CALN1: variants seen among roughly 807,000 people sequenced by gnomAD.
CALN1 encodes the protein calneuron 1, also known as calcium-binding protein 8.
CALN1 carries 17 observed loss-of-function variants against 30.6 expected under a neutral mutation model. The ratio of observed to expected loss-of-function variants is 0.56; its 90% CI spans 0.38 to 0.83. The LOEUF is 0.83. Among genes scored for constraint, CALN1 ranks in the 40% least tolerant of loss-of-function variants. CALN1 has a pLI of 0.00. For synonymous variants in CALN1, 156 were observed against 131.4 expected, an observed-to-expected ratio of 1.19 and a Z score of -1.28; for missense variants, 291 against 354.9, an observed-to-expected ratio of 0.82 and a Z score of 1.45.
At chr7:72,034,477 TA>T (rs35677186) in intron 4 of CALN1, among the ~76,000 whole-genome samples, 97,505 of 151,336 alleles carry the variant, frequency 0.64, 31,839 homozygotes, top group East Asian at 0.76. Context: ...GCCTGACAGC[TA>T]AAAAAATGTG....
intron 3 of CALN1, among the ~76,000 whole-genome samples, chr7:72,251,835 C>A (rs1329569091): frequency 6.6e-6 from 1 of 152,168 alleles, no homozygotes; most frequent in African/African-American, 2.4e-5. Flanking sequence ...ATTTGCAAGA[C>A]ATTACCACTG....
chr7:72,002,733 A>G (rs1799587677), intron 5 of CALN1, among the ~76,000 whole-genome samples: 1 of 152,216 alleles, frequency 6.6e-6, no homozygotes, highest in South Asian at 2.1e-4. Context: ...GCTTTTAAAA[A>G]GAAGGAAATC....
intron 3 of CALN1, among the ~76,000 whole-genome samples, chr7:72,274,185 G>A (rs1320003262): frequency 6.6e-6 from 1 of 152,126 alleles, no homozygotes; most frequent in Non-Finnish European, 1.5e-5. Context: ...GTAAACTTCA[G>A]ATGGAGGTGA....
intron 5 of CALN1, among the ~76,000 whole-genome samples, chr7:71,852,794 A>G (rs1418850982): frequency 6.6e-6 from 1 of 152,058 alleles, no homozygotes; most frequent in African/African-American, 2.4e-5. Context: ...TTAATTTGTA[A>G]TTTATCTAGA....
At chr7:71,980,507 GACACCACTTT>G (rs1798338971) in intron 5 of CALN1, among the ~76,000 whole-genome samples, 1 of 152,022 alleles carries the variant, frequency 6.6e-6, no homozygotes, top group Non-Finnish European at 1.5e-5. Flanking sequence ...CAGAATTCTT[GACACCACTTT>G]ACAATGGCAT....
At chr7:71,982,896 G>C (rs1271803284) in intron 5 of CALN1, among the ~76,000 whole-genome samples, 1 of 152,198 alleles carries the variant, frequency 6.6e-6, no homozygotes, top group Admixed American at 6.5e-5. Flanking sequence ...CCTGGGACTA[G>C]GCATGTCCAA....
the CALN1 span, among the ~76,000 whole-genome samples, chr7:72,481,829 T>C: frequency 3.9e-5 from 6 of 152,202 alleles, no homozygotes; most frequent in Non-Finnish European, 5.9e-5. Context: ...ATTTTGGTCA[T>C]AGGACATTTT....
At chr7:72,340,068 G>C (rs947389289) in intron 2 of CALN1, among the ~76,000 whole-genome samples, 1 of 152,228 alleles carries the variant, frequency 6.6e-6, no homozygotes, top group Non-Finnish European at 1.5e-5. Context: ...CCTTGGATGA[G>C]AGGGAACTGA....
chr7:71,801,134 G>T (rs1277260313), intron 6 of CALN1, among the ~76,000 whole-genome samples: 2 of 152,202 alleles, frequency 1.3e-5, no homozygotes, highest in East Asian at 3.9e-4. Flanking sequence ...CCCTGCAAAA[G>T]ACATGATCTC....
chr7:72,039,243 G>T (rs1265885416), intron 4 of CALN1, among the ~76,000 whole-genome samples: 2 of 152,200 alleles, frequency 1.3e-5, no homozygotes. Flanking sequence ...GCAAAGGAAG[G>T]AAAGGACCAA....
At position 72,246,216 on chromosome 7, in the gene CALN1, ACC is replaced by A. The variant is rs747021631; in HGVS notation, c.244+32468_244+32469del. ...ATCATCAAACCCTTACCTCAGAAAC[ACC>A]CCCTTTTTCCTCTCTCAGATAGAAC... On this transcript the variant is annotated intron_variant, in intron 3 of 6. Transcript: ENST00000395275. 7.2e-5 allele frequency among the ~76,000 whole-genome samples: 11 copies of A among 151,834 alleles called. No individual in the cohort carries two copies. The South Asian group carries it at 1.3e-3, about 17-fold the overall frequency.
At chr7:72,440,309 T>G (rs1562969671) in intron 1 of CALN1, among the ~76,000 whole-genome samples, 1 of 152,178 alleles carries the variant, frequency 6.6e-6, no homozygotes, top group Non-Finnish European at 1.5e-5. Flanking sequence ...AGAGCACTGG[T>G]AAATTTTTTT....
intron 5 of CALN1, among the ~76,000 whole-genome samples, chr7:72,017,838 G>A (rs844796): frequency 0.28 from 41,920 of 151,848 alleles, 8,861 homozygotes; most frequent in African/African-American, 0.59. Flanking sequence ...TGTTTTCGGC[G>A]TCACTCTGGC....
intron 1 of CALN1, among the ~76,000 whole-genome samples, chr7:72,422,946 C>A (rs1025625465): frequency 6.6e-6 from 1 of 151,982 alleles, no homozygotes; most frequent in Non-Finnish European, 1.5e-5. Context: ...CTGGCCAACA[C>A]GGCGAAACCT....
intron 5 of CALN1, among the ~76,000 whole-genome samples, chr7:71,817,678 G>A (rs1372388810): frequency 1.3e-5 from 2 of 151,942 alleles, no homozygotes. Flanking sequence ...ACCATGCCCA[G>A]CTAATTTTTG....
intron 3 of CALN1, among the ~76,000 whole-genome samples, chr7:72,214,534 G>A (rs1052595703): frequency 6.6e-6 from 1 of 151,972 alleles, no homozygotes; most frequent in Non-Finnish European, 1.5e-5. Flanking sequence ...TATTAAGATA[G>A]GTCTTTTGAG....
intron 4 of CALN1, among the ~76,000 whole-genome samples, chr7:72,097,084 T>C (rs1225899647): frequency 6.6e-6 from 1 of 151,870 alleles, no homozygotes; most frequent in Non-Finnish European, 1.5e-5. Context: ...CCGTATGTTC[T>C]CACTCATAGG....
chr7:72,369,163 A>G (rs1016299764), intron 2 of CALN1, among the ~76,000 whole-genome samples: 9 of 151,770 alleles, frequency 5.9e-5, no homozygotes, highest in Admixed American at 4.6e-4. Context: ...CTGACACACA[A>G]TAAGGTTCAT....
intron 3 of CALN1, among the ~76,000 whole-genome samples, chr7:72,205,551 A>AATATATATATATAT (rs1554319583): frequency 2.4e-5 from 2 of 83,050 alleles, no homozygotes; most frequent in Admixed American, 1.4e-4. Flanking sequence ...GCAAAAAAAA[A>AATATATATATATAT]ATATATATAT....
Sources: allele counts gnomAD v4.1 joint callset (sites outside exome capture counted in the v4.1 genomes callset), GRCh38; gene constraint gnomAD v4.1.1; transcripts MANE v1.5; gene names NCBI Gene and HGNC (gene_info 2026-07-23, HGNC 2026-07-21).